STXBP4: variants seen among roughly 807,000 people sequenced by gnomAD.
STXBP4 encodes syntaxin binding protein 4.
A neutral mutation model predicts 76.1 loss-of-function variants in STXBP4; 55 were observed. The observed-to-expected ratio is 0.72, with a 90% confidence interval of 0.58 to 0.91. The LOEUF (loss-of-function observed/expected upper bound fraction) is 0.91, where lower values mean the gene tolerates loss of function less well. STXBP4 is among the 40% of genes least tolerant of loss of function. The pLI is 0.00. For synonymous variants in STXBP4, 201 were observed against 220.2 expected (o/e 0.91, Z 0.77); for missense variants, 618 against 636.9 (o/e 0.97, Z 0.32).
At chr17:55,197,650 G>A in the STXBP4 span, among the ~76,000 whole-genome samples, 1 of 152,262 alleles carries the variant, frequency 6.6e-6, no homozygotes, top group East Asian at 1.9e-4. Flanking sequence ...GGCTGAGGCA[G>A]GAGAATGCCG....
chr17:54,982,290 C>G (rs2077561422), intron 1 of STXBP4, among the ~76,000 whole-genome samples: 1 of 152,090 alleles, frequency 6.6e-6, no homozygotes, highest in African/African-American at 2.4e-5. Context: ...GCGTTATGGA[C>G]AGATTTTTTT....
rs1381039760 is a variant in STXBP4 at position 54,990,020 on chromosome 17, G to T, written c.48-805G>T. 3.9e-5 allele frequency among the ~76,000 whole-genome samples: 6 copies of T among 152,258 alleles called. No homozygotes were observed. The South Asian group carries it at 6.2e-4, about 16-fold the overall frequency. ...ATTCTTCAAGTAGTCTAATAACCAG[G>T]TAAAAGCAAATCTTTTCCGTCGCCT... On this transcript the variant is annotated intron_variant, in intron 3 of 17. Transcript: ENST00000376352.
intron 8 of STXBP4, among the ~76,000 whole-genome samples, chr17:55,024,492 C>G (rs1338613785): frequency 6.6e-6 from 1 of 152,212 alleles, no homozygotes; most frequent in Non-Finnish European, 1.5e-5. Flanking sequence ...GCTTTGACAG[C>G]TGGGGTTCCT....
At chr17:55,058,799 T>A (rs1017003284) in intron 12 of STXBP4, among the ~76,000 whole-genome samples, 1 of 152,186 alleles carries the variant, frequency 6.6e-6, no homozygotes, top group Non-Finnish European at 1.5e-5. Flanking sequence ...TAAAAATGGT[T>A]TTCTTTTTTG....
intron 12 of STXBP4, 134 bp downstream of exon 12, chr17:55,047,288 TAATACAA>T: frequency 2.0e-6 from 1 of 491,384 alleles, no homozygotes; most frequent in Non-Finnish European, 3.6e-6. Flanking sequence ...ACATATTACA[TAATACAA>T]AATAGCACAG....
chr17:55,189,553 A>G, the STXBP4 span, among the ~76,000 whole-genome samples: 1 of 152,232 alleles, frequency 6.6e-6, no homozygotes, highest in Non-Finnish European at 1.5e-5. Context: ...CTCAGAGACG[A>G]AGTGAGGCCA....
At chr17:55,109,624 CTTT>C (rs551292679) in intron 16 of STXBP4, among the ~76,000 whole-genome samples, 34,977 of 114,448 alleles carry the variant, frequency 0.31, 4,040 homozygotes, top group African/African-American at 0.39. Context: ...AACTCAATGT[CTTT>C]TTTTTTTTTT....
intron 1 of STXBP4, among the ~76,000 whole-genome samples, 166 bp downstream of exon 1, chr17:54,968,981 C>T (rs995915341): frequency 2.0e-5 from 3 of 151,906 alleles, no homozygotes; most frequent in Non-Finnish European, 4.4e-5. Flanking sequence ...TGTCTCGACC[C>T]GGCAGCCCCG....
chr17:55,060,632 C>T (rs2078984307), intron 12 of STXBP4, among the ~76,000 whole-genome samples: 1 of 152,094 alleles, frequency 6.6e-6, no homozygotes, highest in African/African-American at 2.4e-5. Context: ...ACCAGAATAC[C>T]TACTCACTGT....
intron 17 of STXBP4, among the ~76,000 whole-genome samples, chr17:55,148,738 T>C (rs541137716): frequency 6.6e-6 from 1 of 152,156 alleles, no homozygotes; most frequent in South Asian, 2.1e-4. Context: ...GGGGCCATGT[T>C]GGCTAGACTG....
chr17:54,999,198 A>T lies in STXBP4; in HGVS notation c.181-147A>T, dbSNP rs1303365596. ...TACCAAACCAGACTTTAATCAAGAG[A>T]TTTTGCTACTGAGGTTGTCTAAGAT... On this transcript the variant is annotated intron_variant, in intron 4 of 17. Coordinates refer to ENST00000376352, the MANE Select transcript of STXBP4 (RefSeq NM_178509.6). The T allele has an allele frequency of 1.2e-5, 7 of 590,828 alleles. No homozygotes were observed. The South Asian group carries it at 1.3e-4, about 11-fold the overall frequency. The allele number at this position is 590,828 out of a possible 1,614,324, so 36.6% of individuals were successfully genotyped here.
At chr17:55,011,729 C>T (rs1301933296) in intron 8 of STXBP4, among the ~76,000 whole-genome samples, 1 of 151,964 alleles carries the variant, frequency 6.6e-6, no homozygotes, top group Non-Finnish European at 1.5e-5. Context: ...CCTGATTCGT[C>T]GGGTGTGAGA....
intron 12 of STXBP4, among the ~76,000 whole-genome samples, chr17:55,057,998 A>AGTGCCACAATAAACGTACTT (rs1378073592): frequency 6.6e-6 from 1 of 152,198 alleles, no homozygotes; most frequent in Non-Finnish European, 1.5e-5. Context: ...CATTGTGAAC[A>AGTGCCACAATAAACGTACTT]GTGCCACAAT....
chr17:55,192,963 C>G, the STXBP4 span, among the ~76,000 whole-genome samples: 1 of 152,198 alleles, frequency 6.6e-6, no homozygotes, highest in African/African-American at 2.4e-5. Flanking sequence ...CTGCAGCGAT[C>G]TCTCTGACTG....
intron 10 of STXBP4, among the ~76,000 whole-genome samples, chr17:55,039,471 A>G (rs1466950180): frequency 6.6e-6 from 1 of 152,170 alleles, no homozygotes; most frequent in Admixed American, 6.5e-5. Context: ...AAACAGTTAA[A>G]TGACAAAAGT....
chr17:55,070,838 T>C (rs764162339), intron 12 of STXBP4, among the ~76,000 whole-genome samples: 8 of 152,152 alleles, frequency 5.3e-5, no homozygotes, highest in Non-Finnish European at 1.0e-4. Context: ...TGGTTCTCTT[T>C]TTGTAACATC....
At chr17:55,055,699 C>G (rs892869078) in intron 12 of STXBP4, among the ~76,000 whole-genome samples, 8 of 152,164 alleles carry the variant, frequency 5.3e-5, no homozygotes, top group African/African-American at 1.9e-4. Context: ...TCCTAACACT[C>G]CTTTTAAAGT....
At chr17:55,137,796 A>G (rs903469805) in intron 16 of STXBP4, among the ~76,000 whole-genome samples, 1 of 152,112 alleles carries the variant, frequency 6.6e-6, no homozygotes, top group African/African-American at 2.4e-5. Context: ...AATTTTAGAT[A>G]GGTATTTACA....
intron 4 of STXBP4, among the ~76,000 whole-genome samples, chr17:54,997,328 A>C (rs1488914803): frequency 1.3e-5 from 2 of 151,842 alleles, no homozygotes; most frequent in Admixed American, 6.6e-5. Flanking sequence ...GTCAGAAGGC[A>C]TTCTTCTTCT....
Sources: gnomAD v4.1 joint callset for allele counts (sites outside exome capture counted in the v4.1 genomes callset) on GRCh38, gnomAD v4.1.1 for gene constraint, MANE v1.5 for transcripts, NCBI Gene and HGNC (gene_info 2026-07-23, HGNC 2026-07-21) for gene names.